KIF5C: variants seen among roughly 807,000 people sequenced by gnomAD.
The protein encoded by KIF5C is kinesin heavy chain isoform 5C.
KIF5C carries 18 observed loss-of-function variants against 125.2 expected under a neutral mutation model. The observed-to-expected ratio is 0.14, with a 90% CI of 0.10 to 0.21. The LOEUF (loss-of-function observed/expected upper bound fraction) is 0.21, where lower values mean the gene tolerates loss of function less well. Among genes scored for constraint, KIF5C ranks in the 10% least tolerant of loss-of-function variants. The pLI is 1.00. For missense variants in KIF5C, 780 were observed against 1,183.8 expected (o/e 0.66, Z 5.01); for synonymous variants, 405 against 434.0 (o/e 0.93, Z 0.83).
At chr2:148,953,836 G>A (rs1275459117) in intron 10 of KIF5C, among the ~76,000 whole-genome samples, 2 of 152,164 alleles carry the variant, frequency 1.3e-5, no homozygotes, top group Non-Finnish European at 2.9e-5. Flanking sequence ...TTATAGGTTA[G>A]ATACTGGAAT....
At chr2:148,917,333 C>T (rs758007853) in intron 1 of KIF5C, among the ~76,000 whole-genome samples, 9 of 152,156 alleles carry the variant, frequency 5.9e-5, no homozygotes, top group Non-Finnish European at 1.0e-4. Flanking sequence ...TGTGTTATTG[C>T]GGATGTCTCC....
chr2:148,943,792 A>G (rs1416723489), intron 7 of KIF5C, among the ~76,000 whole-genome samples: 2 of 151,802 alleles, frequency 1.3e-5, no homozygotes, highest in Non-Finnish European at 2.9e-5. Flanking sequence ...TCTACCCAAG[A>G]CTCTCTGATT....
At chr2:148,932,100 T>C (rs554676823) in intron 3 of KIF5C, among the ~76,000 whole-genome samples, 10 of 152,206 alleles carry the variant, frequency 6.6e-5, no homozygotes, top group Admixed American at 4.6e-4. Flanking sequence ...GCTGAAGTCA[T>C]AGATACTGCG....
At chr2:148,946,769 T>C (rs1297502891) in intron 7 of KIF5C, 130 bp from the exon 8 acceptor site, 1 of 1,344,588 alleles carries the variant, frequency 7.4e-7, no homozygotes, top group Non-Finnish European at 9.9e-7. Flanking sequence ...TCAGATAATT[T>C]TTAGAATTGA....
In KIF5C at chr2:148,921,628, T is replaced by C. The variant is rs113155612; in HGVS notation, c.127-509T>C. ...CTCCATCTTCCCGATCCTGTAAAGATACACTTAAGTGGTCCTTCTTCACCA... is the reference window on the plus strand; with the variant it reads ...CTCCATCTTCCCGATCCTGTAAAGACACACTTAAGTGGTCCTTCTTCACCA... On this transcript the variant is annotated intron_variant, in intron 1 of 25. Coordinates refer to ENST00000435030, the MANE Select transcript of KIF5C (RefSeq NM_004522.3). Among the ~76,000 whole-genome samples the C allele has an allele frequency of 3.2e-3, 490 of 152,340 alleles. 3 individuals are homozygous for C. Among genetic ancestry groups the C allele is most frequent in the African/African-American group, 0.011 (454 of 41,596 alleles).
intron 25 of KIF5C, among the ~76,000 whole-genome samples, chr2:149,013,619 T>C (rs1263055006): frequency 1.3e-5 from 2 of 152,180 alleles, no homozygotes; most frequent in African/African-American, 2.4e-5. Context: ...CTAGATGTAA[T>C]ATAGGCATCA....
chr2:149,008,888 T>C (rs1682092747), intron 23 of KIF5C, among the ~76,000 whole-genome samples: 1 of 152,136 alleles, frequency 6.6e-6, no homozygotes. Context: ...CTCAAACAAA[T>C]TGTCGATGAG....
intron 8 of KIF5C, chr2:148,948,038 T>C: frequency 3.1e-5 from 14 of 456,336 alleles, no homozygotes; most frequent in Middle Eastern, 3.3e-4. Flanking sequence ...GTATTTCTAG[T>C]TGGGAATCTA....
intron 1 of KIF5C, among the ~76,000 whole-genome samples, chr2:148,913,172 A>T (rs1681408980): frequency 6.6e-6 from 1 of 152,232 alleles, no homozygotes; most frequent in Non-Finnish European, 1.5e-5. Context: ...CATGTTCTAA[A>T]CCCAAATGTG....
intron 7 of KIF5C, among the ~76,000 whole-genome samples, chr2:148,946,074 A>G (rs931191336): frequency 1.3e-5 from 2 of 152,160 alleles, no homozygotes; most frequent in African/African-American, 4.8e-5. Context: ...TATTATAAAT[A>G]AGGTTGTTTT....
intron 3 of KIF5C, chr2:148,935,107 C>T: frequency 2.6e-6 from 1 of 384,230 alleles, no homozygotes; most frequent in South Asian, 1.9e-5. Flanking sequence ...TATGAGAACA[C>T]TCACTTTTCT....
chr2:148,887,403 A>AT (rs1437276974), intron 1 of KIF5C, among the ~76,000 whole-genome samples: 4 of 151,780 alleles, frequency 2.6e-5, no homozygotes, highest in African/African-American at 9.7e-5. Flanking sequence ...ACTTTGATAT[A>AT]TGGAGAGTCT....
In KIF5C at chr2:148,949,858, A is replaced by T; in HGVS notation, c.734A>T (p.Glu245Val). ...GSEKVSKTGA[E>V]GAVLDEAKNI... ...TGGTAGGTCAGCAAAACTGGTGCCG[A>T]GGGAGCTGTTCTTGACGAAGCTAAA... Residue 245 changes from glutamate to valine, a missense_variant, in exon 9 of 26, where the codon GAG (glutamate) becomes GTG (valine). By Grantham distance (121) the Glu-to-Val change is moderately radical. This residue lies in a region of KIF5C where 207 missense variants were observed against 441.2 expected (regional missense o/e 0.47). Coordinates refer to ENST00000435030, the MANE Select transcript of KIF5C (RefSeq NM_004522.3). 6.2e-7 allele frequency: 1 copy of T among 1,613,808 alleles called. No individual in the cohort carries two copies. The highest frequency in any genetic ancestry group is 8.5e-7 in the Non-Finnish European group (1 of 1,179,830).
intron 15 of KIF5C, 129 bp from the exon 16 acceptor site, chr2:148,990,881 T>C: frequency 1.1e-5 from 16 of 1,425,890 alleles, no homozygotes; most frequent in Non-Finnish European, 1.4e-5. Context: ...ACTTTCCGCT[T>C]GTCCTTTAAT....
At chr2:148,892,493 A>G (rs1309788250) in intron 1 of KIF5C, among the ~76,000 whole-genome samples, 1 of 152,232 alleles carries the variant, frequency 6.6e-6, no homozygotes, top group Admixed American at 6.5e-5. Context: ...TTAAAAGTGG[A>G]AGAATTTTTT....
chr2:148,937,462 G>T, intron 4 of KIF5C, 74 bp downstream of exon 4: 9 of 1,499,544 alleles, frequency 6.0e-6, no homozygotes, highest in Non-Finnish European at 8.0e-6. Flanking sequence ...CTCCTTTCAA[G>T]AAGATATAAA....
chr2:148,902,370 G>A lies in KIF5C; in HGVS notation c.127-19767G>A, dbSNP rs150614883. On this transcript the variant is annotated intron_variant, in intron 1 of 25. Transcript: ENST00000435030. ...CTTGCTCTGTTGCCCAGGCTGGAGTGCAGTGGTGCGATCTTGACTCACTGC... is the reference window on the plus strand; with the variant it reads ...CTTGCTCTGTTGCCCAGGCTGGAGTACAGTGGTGCGATCTTGACTCACTGC... 6.1e-4 allele frequency among the ~76,000 whole-genome samples: 93 copies of A among 152,114 alleles called. 1 individual carries two copies. Among genetic ancestry groups the A allele is most frequent in the African/African-American group, 2.1e-3 (86 of 41,462 alleles).
rs189296926 is a variant in KIF5C, at chr2:148,986,361, G to T, written c.1716+2595G>T. ...GATAGCCATCATTTCTATCATTCTG[G>T]TTTTTTTCATATAATTATGAGTTCA... On this transcript the variant is annotated intron_variant, in intron 15 of 25. Transcript: ENST00000435030. Among the ~76,000 whole-genome samples the T allele has an allele frequency of 3.4e-3, 518 of 152,116 alleles. 6 individuals are homozygous for T. The highest frequency in any genetic ancestry group is 5.6e-3 in the Non-Finnish European group (382 of 67,992).
intron 1 of KIF5C, among the ~76,000 whole-genome samples, chr2:148,899,722 A>G (rs866705626): frequency 3.3e-5 from 5 of 151,830 alleles, no homozygotes; most frequent in African/African-American, 9.6e-5. Context: ...AAAAAAAAAA[A>G]AAAGAAAACA....
Sources: gnomAD v4.1 joint callset for allele counts (sites outside exome capture counted in the v4.1 genomes callset) on GRCh38, gnomAD v4.1.1 for gene constraint, gnomAD v4.1.1 regional missense constraint, MANE v1.5 for transcripts, NCBI Gene and HGNC (gene_info 2026-07-23, HGNC 2026-07-21) for gene names.